The following NOL8 variants were observed in gnomAD, a reference collection of about 807,000 sequenced individuals.
NOL8 encodes nucleolar protein 8, also known as nucleolar protein Nop132.
Under a neutral mutation model 116.1 loss-of-function variants are expected in NOL8, and 93 were observed. The ratio of observed to expected loss-of-function variants is 0.80; its 90% CI spans 0.68 to 0.95. The LOEUF (loss-of-function observed/expected upper bound fraction) is 0.95. Ranked by LOEUF, NOL8 falls within the 40% of genes least tolerant of loss-of-function variation. The pLI, the probability that NOL8 is intolerant of heterozygous loss-of-function variation, is 0.00. For missense variants in NOL8, 1,291 were observed against 1,382.8 expected, an observed-to-expected ratio of 0.93 and a Z score of 1.05; for synonymous variants, 419 against 469.0, an observed-to-expected ratio of 0.89 and a Z score of 1.38.
At chr9:92,300,665 A>G (rs988984066) in intron 13 of NOL8, 22 of 1,057,730 alleles carry the variant, frequency 2.1e-5, no homozygotes, top group Non-Finnish European at 2.5e-5. Flanking sequence ...GTTTATATAG[A>G]CAAGAAAATG....
At chr9:92,312,344 C>T (rs142636804) in intron 7 of NOL8, among the ~76,000 whole-genome samples, 258 of 149,284 alleles carry the variant, frequency 1.7e-3, no homozygotes, top group Admixed American at 3.6e-3. Flanking sequence ...GTCCCAGCTA[C>T]TCAGCAGGCT....
intron 12 of NOL8, among the ~76,000 whole-genome samples, chr9:92,303,603 TAAAAC>T (rs1454828325): frequency 6.6e-6 from 1 of 152,106 alleles, no homozygotes; most frequent in Non-Finnish European, 1.5e-5. Context: ...GGTCTAAAAA[TAAAAC>T]AAAATTCTTT....
At chr9:92,318,747 C>G in intron 5 of NOL8, 61 bp from the exon 6 acceptor site, 1 of 1,087,070 alleles carries the variant, frequency 9.2e-7, no homozygotes, top group South Asian at 1.5e-5. Flanking sequence ...GATTTAATAA[C>G]AATATTAGGT....
At chr9:92,320,366 T>C (rs1195247964) in intron 4 of NOL8, 1 of 334,026 alleles carries the variant, frequency 3.0e-6, no homozygotes, top group African/African-American at 2.1e-5. Context: ...CTGTACACAG[T>C]AGGCTGGCAA....
At chr9:92,317,986 G>GGCTGC (rs1290195587) in intron 6 of NOL8, among the ~76,000 whole-genome samples, 2 of 125,184 alleles carry the variant, frequency 1.6e-5, no homozygotes, top group Non-Finnish European at 1.6e-5. Flanking sequence ...AGTGAGCCAA[G>GGCTGC]ATTGTGCCAC....
chr9:92,309,038 G>A (rs1039681512), intron 10 of NOL8: 4 of 152,244 alleles, frequency 2.6e-5, no homozygotes, highest in African/African-American at 9.7e-5. Flanking sequence ...GCTGCTGCTT[G>A]CAGGATAGAC....
At position 92,300,002 on chromosome 9, in the gene NOL8, C is replaced by T. The variant is rs549175396; in HGVS notation, c.3190G>A (p.Glu1064Lys). The change falls in exon 14 of 17, where the codon GAA (glutamate) becomes AAA (lysine). Residue 1064 changes from glutamate (E) to lysine (K), a missense_variant. By Grantham distance (56) the Glu-to-Lys change is moderately conservative (BLOSUM62 1). Coordinates refer to ENST00000442668, the MANE Select transcript of NOL8 (RefSeq NM_017948.6). ...KDIKEETYRV[E>K]TVKPGKIVWQ... ...ACAATCTTTCCAGGTTTCACTGTTTCAACTCTGTAGGTCTCTATATCGTTA... is the reference window on the plus strand; with the variant it reads ...ACAATCTTTCCAGGTTTCACTGTTTTAACTCTGTAGGTCTCTATATCGTTA... The T allele has an allele frequency of 5.0e-6, 8 of 1,613,326 alleles. No individual in the cohort carries two copies. In the Admixed American group the frequency reaches 1.3e-4, roughly 27 times the overall value.
rs556729171 is a variant in NOL8 at position 92,297,951 on chromosome 9, A to G, written c.3454-65T>C. On this transcript the variant is annotated intron_variant, in intron 16 of 16. Coordinates refer to ENST00000442668, the MANE Select transcript of NOL8 (RefSeq NM_017948.6). ...GTTTTTAAGATGTTCAGTAGATAGA[A>G]GTAAAACAGGTTATTCTCACTGTCA... 12 of 1,344,978 alleles carry G rather than the reference A, an allele frequency of 8.9e-6. No homozygotes were observed. In the South Asian group the frequency reaches 1.3e-4, roughly 15 times the overall value. 83.3% of individuals were successfully genotyped at this position (1,344,978 alleles called of 1,614,324 possible).
At chr9:92,306,482 CTG>C (rs1838271710) in intron 11 of NOL8, among the ~76,000 whole-genome samples, 2 of 152,116 alleles carry the variant, frequency 1.3e-5, no homozygotes, top group South Asian at 2.1e-4. Flanking sequence ...ATGTTGGTGA[CTG>C]TAAAAGCTAG....
At chr9:92,303,660 CCAGGAA>C (rs563393089) in intron 12 of NOL8, among the ~76,000 whole-genome samples, 185 of 152,166 alleles carry the variant, frequency 1.2e-3, no homozygotes, top group African/African-American at 4.2e-3. Context: ...CAACTGTTAC[CCAGGAA>C]CAGTGGTGCA....
At position 92,298,333 on chromosome 9, in the gene NOL8, G is replaced by T. The variant is rs1483333469; in HGVS notation, c.3377C>A (p.Ser1126Tyr). ...FSKNDERLQG[S>Y]DLFWRGVGSN... ...TCCTACTCCTCTCCAGAATAAGTCA[G>T]AACCTATTAGGGGAAAAAGAAGAAA... Residue 1126 changes from serine (S) to tyrosine (Y), a missense_variant, in exon 16 of 17, where the codon TCT becomes TAT. Transcript: ENST00000442668. 6.3e-7 allele frequency: 1 copy of T among 1,598,376 alleles called. No homozygotes were observed. Among genetic ancestry groups the T allele is most frequent in the South Asian group, 1.1e-5 (1 of 87,954 alleles).
Position 92,314,744 on chromosome 9 carries a change from C to A in NOL8, c.1881G>T (p.Val627=), listed in dbSNP as rs879217151. ...CCTTCTTTGCATGTTGGCATGGAGT[C>A]ACTTCACCTAATGAGCCATTAACAT... The part of the protein sequence containing the change: ...SPYVNGSLGE[V]TPCQHAKKAN... Residue 627 remains valine (V), a synonymous_variant, in exon 7 of 17, where the codon GTG becomes GTT. Coordinates refer to ENST00000442668, the MANE Select transcript of NOL8 (RefSeq NM_017948.6). The A allele has an allele frequency of 1.2e-6, 2 of 1,613,800 alleles. No individual in the cohort carries two copies. The highest frequency in any genetic ancestry group is 2.7e-5 in the African/African-American group (2 of 75,014).
intron 16 of NOL8, 144 bp from the exon 17 acceptor site, chr9:92,298,030 G>A (rs140841171): frequency 2.5e-5 from 18 of 734,570 alleles, no homozygotes; most frequent in Non-Finnish European, 2.9e-5. Flanking sequence ...AGGGGATATT[G>A]GCATTTTTGG....
Position 92,315,855 on chromosome 9 carries a change from C to A in NOL8, c.770G>T (p.Arg257Ile). 6.2e-7 allele frequency: 1 copy of A among 1,613,906 alleles called. No individual in the cohort carries two copies. Among genetic ancestry groups the A allele is most frequent in the Non-Finnish European group, 8.5e-7 (1 of 1,179,868 alleles). The change falls in exon 7 of 17, where the codon AGA becomes ATA. Residue 257 changes from arginine (R) to isoleucine (I), a missense_variant. Physicochemically the swap from Arg to Ile is moderately conservative, Grantham distance 97. Coordinates refer to ENST00000442668, the MANE Select transcript of NOL8 (RefSeq NM_017948.6). Reference protein sequence around the residue: ...PLTQQQAAQKRTCDSITPSKS... With the variant: ...PLTQQQAAQKITCDSITPSKS... ...AGAAGGAGTAATGGAATCACAAGTT[C>A]TTTTTTGTGCAGCCTGTTGCTGTGT...
In NOL8 at chr9:92,312,981, G is replaced by A. The variant is rs1180774664; in HGVS notation, c.2358+1286C>T. Among the ~76,000 whole-genome samples, 5 of 149,524 alleles carry A rather than the reference G, an allele frequency of 3.3e-5. No homozygotes were observed. In the East Asian group the frequency reaches 7.8e-4, roughly 23 times the overall value. ...ATATACCCCCAGAACCTAAAATAAAGGAAGAAAAAAAAAAGCATTGTCTTA... is the reference window on the plus strand; with the variant it reads ...ATATACCCCCAGAACCTAAAATAAAAGAAGAAAAAAAAAAGCATTGTCTTA... On this transcript the variant is annotated intron_variant, in intron 7 of 16. Coordinates refer to ENST00000442668, the MANE Select transcript of NOL8 (RefSeq NM_017948.6).
chr9:92,310,870 T>C (rs2236343), intron 8 of NOL8, 195 bp from the exon 9 acceptor site: 30,412 of 608,460 alleles, frequency 0.05, 1,095 homozygotes, highest in African/African-American at 0.13. Context: ...CCAGAGGCTC[T>C]CCAGTGAAGC....
In NOL8 at chr9:92,318,627, A is replaced by C; in HGVS notation, c.477T>G (p.His159Gln). ...AGAGGCCAAAGGATATTTTACGTTT[A>C]TGTTGATTTTTAAGGTGAAGAACAG... ...VLPVLHLKNQ[H>Q]KRKIIKYDPS... Residue 159 changes from histidine (H) to glutamine (Q), a missense_variant, in exon 6 of 17, where the codon CAT becomes CAG. Transcript: ENST00000442668. 2 of 1,600,486 alleles carry C rather than the reference A, an allele frequency of 1.2e-6. No homozygotes were observed. The highest frequency in any genetic ancestry group is 2.3e-5 in the South Asian group (2 of 87,818).
At chr9:92,308,763 A>G (rs1838505494) in intron 10 of NOL8, 1 of 152,240 alleles carries the variant, frequency 6.6e-6, no homozygotes, top group African/African-American at 2.4e-5. Context: ...CATATGCTCT[A>G]GGTTAGCTGA....
chr9:92,305,070 G>C (rs1245708008), intron 12 of NOL8, among the ~76,000 whole-genome samples: 2 of 151,864 alleles, frequency 1.3e-5, no homozygotes, highest in Admixed American at 1.3e-4. Flanking sequence ...CTATGTCCAT[G>C]TCCTAATTCC....
Sources: gnomAD v4.1 joint callset for allele counts (sites outside exome capture counted in the v4.1 genomes callset) on GRCh38, gnomAD v4.1.1 for gene constraint, MANE v1.5 for transcripts, NCBI Gene and HGNC (gene_info 2026-07-23, HGNC 2026-07-21) for gene names.